COX20: variants seen among roughly 807,000 people sequenced by gnomAD.
COX20 encodes cytochrome c oxidase assembly protein COX20, mitochondrial.
In COX20, 14 loss-of-function variants were observed where a neutral mutation model predicts 14.3. That is an observed-to-expected ratio of 0.98 (90% CI 0.65 to 1.53). The LOEUF is 1.53. COX20 is among the 40% of genes most tolerant of loss of function. The probability of loss-of-function intolerance (pLI) is 0.00; values close to 1 mark genes in which losing one functional copy is unlikely to be tolerated. For missense variants in COX20, 149 were observed against 142.1 expected, an observed-to-expected ratio of 1.05 and a Z score of -0.25; for synonymous variants, 56 against 51.7, an observed-to-expected ratio of 1.08 and a Z score of -0.36.
At chr1:244,842,376 C>G (rs1680242716) in intron 3 of COX20, 118 bp downstream of exon 3, 1 of 744,146 alleles carries the variant, frequency 1.3e-6, no homozygotes, top group Non-Finnish European at 2.4e-6. Context: ...AATGAAGAAT[C>G]TTGATTTTTC....
intron 1 of COX20, chr1:244,839,781 C>G (rs1480535800): frequency 6.6e-6 from 1 of 152,146 alleles, no homozygotes; most frequent in Admixed American, 6.5e-5. Context: ...AACCCTCCAG[C>G]CTTGGTTACT....
Position 244,841,993 on chromosome 1 carries a change from G to A in COX20, c.92G>A (p.Arg31Gln), listed in dbSNP as rs764620077. The change falls in exon 2 of 4, where the codon CGG becomes CAG. Residue 31 changes from arginine (R) to glutamine (Q), a missense_variant. Physicochemically the swap from Arg to Gln is conservative, Grantham distance 43. Coordinates refer to ENST00000411948, the MANE Select transcript of COX20 (RefSeq NM_198076.6). The stretch of plus-strand genomic sequence containing the variant: ...GATGTTGAAAATACTCCCTGCGCCC[G>A]GCATTCAATATTGTATGGTTCATTA... ...FLDVENTPCA[R>Q]HSILYGSLGS... 131 of 1,611,550 alleles carry A rather than the reference G, an allele frequency of 8.1e-5. 1 individual carries two copies. In the Admixed American group the frequency reaches 1.8e-3, roughly 23 times the overall value.
At chr1:244,842,997 T>A (rs767647989) in intron 3 of COX20, 44 bp from the exon 4 acceptor site, 4 of 1,372,406 alleles carry the variant, frequency 2.9e-6, no homozygotes, top group Non-Finnish European at 3.9e-6. Context: ...TTAATTTCTG[T>A]AGGACTTTAT....
chr1:244,835,669 C>G lies in COX20; in HGVS notation c.-46C>G. On this transcript the variant is annotated 5_prime_UTR_variant, in exon 1 of 4. Coordinates refer to ENST00000411948, the MANE Select transcript of COX20 (RefSeq NM_198076.6). ...GCGCGGCCAGCCGGGCTTCTGCTTC[C>G]GCGACCCCGGCGGTGCAGGGCGGGT... 1 of 1,234,876 alleles carries G rather than the reference C, an allele frequency of 8.1e-7. No homozygotes were observed. Among genetic ancestry groups the G allele is most frequent in the Middle Eastern group, 3.1e-4 (1 of 3,216 alleles). 76.5% of individuals were successfully genotyped at this position (1,234,876 alleles called of 1,614,324 possible). A position where few individuals can be genotyped will look rare whatever the true frequency, so the allele number is the denominator to read the frequency against.
chr1:244,836,290 G>C (rs1679980364), intron 1 of COX20, among the ~76,000 whole-genome samples: 1 of 152,062 alleles, frequency 6.6e-6, no homozygotes, highest in South Asian at 2.1e-4. Context: ...TTCCACTATT[G>C]TCCGCTGGCC....
intron 3 of COX20, chr1:244,842,701 A>G (rs906612417): frequency 3.0e-5 from 7 of 237,286 alleles, no homozygotes; most frequent in African/African-American, 1.6e-4. Flanking sequence ...GGTGGTAGAA[A>G]TCATTTTATG....
At chr1:244,835,537 C>T (rs1164724828), upstream of COX20, 2 of 407,276 alleles carry the variant, frequency 4.9e-6, no homozygotes, top group Admixed American at 4.5e-5. Flanking sequence ...CATGACAGCC[C>T]GGCCCCGTGC....
intron 1 of COX20, chr1:244,840,392 T>G (rs1365769899): frequency 6.6e-6 from 1 of 152,196 alleles, no homozygotes; most frequent in African/African-American, 2.4e-5. Flanking sequence ...CTTGGGGAAA[T>G]AGTCTAGTTT....
At chr1:244,836,710 T>C (rs1679998214) in intron 1 of COX20, among the ~76,000 whole-genome samples, 1 of 152,190 alleles carries the variant, frequency 6.6e-6, no homozygotes, top group Non-Finnish European at 1.5e-5. Context: ...CACTGTGTGC[T>C]AAATGGCTCC....
At chr1:244,842,883 C>A in intron 3 of COX20, 158 bp from the exon 4 acceptor site, 1 of 534,166 alleles carries the variant, frequency 1.9e-6, no homozygotes, top group Non-Finnish European at 3.2e-6. Context: ...ATTCTGACAC[C>A]AAAACTGCCC....
chr1:244,837,313 G>C (rs1448170575), intron 1 of COX20, among the ~76,000 whole-genome samples: 1 of 152,036 alleles, frequency 6.6e-6, no homozygotes, highest in East Asian at 1.9e-4. Context: ...TAAATTAATA[G>C]AAGCTATGAT....
intron 1 of COX20, chr1:244,841,249 A>T (rs998964473): frequency 6.6e-6 from 1 of 152,272 alleles, no homozygotes; most frequent in African/African-American, 2.4e-5. Context: ...ATAGGATACA[A>T]AAGTTAGCGG....
At position 244,843,640 on chromosome 1, in the gene COX20, A is replaced by G. The variant is rs1489736928; in HGVS notation, c.*464A>G. Reference sequence around the variant, plus strand: ...TATCACTTTGCAAATTATTTTTTAAATGCATTCATCATTTGACAGTGTTCT... The same window carrying G: ...TATCACTTTGCAAATTATTTTTTAAGTGCATTCATCATTTGACAGTGTTCT... On this transcript the variant is annotated 3_prime_UTR_variant, in exon 4 of 4. Coordinates refer to ENST00000411948, the MANE Select transcript of COX20 (RefSeq NM_198076.6). 1 of 152,486 alleles carries G rather than the reference A, an allele frequency of 6.6e-6. No homozygotes were observed. Among genetic ancestry groups the G allele is most frequent in the African/African-American group, 2.4e-5 (1 of 41,464 alleles). 9.4% of individuals were successfully genotyped at this position (152,486 alleles called of 1,614,324 possible).
chr1:244,835,362 G>C (rs1394743803), upstream of COX20: 2 of 245,268 alleles, frequency 8.2e-6, no homozygotes, highest in African/African-American at 2.2e-5. Flanking sequence ...GGCGGAGCAG[G>C]GGGCTGGCGC....
In COX20 at chr1:244,838,007, G is replaced by C. The variant is rs548192459; in HGVS notation, c.42+2251G>C. ...TGATAGATGGTAATTTGATAGGACA[G>C]GTTGAGCTTCCCAATTCAAAAAAAA... On this transcript the variant is annotated intron_variant, in intron 1 of 3. Coordinates refer to ENST00000411948, the MANE Select transcript of COX20 (RefSeq NM_198076.6). 5.3e-5 allele frequency among the ~76,000 whole-genome samples: 8 copies of C among 152,302 alleles called. No individual in the cohort carries two copies. In the East Asian group the frequency reaches 1.5e-3, roughly 29 times the overall value.
chr1:244,836,590 TCAGGG>T, intron 1 of COX20: 6 of 1,340,938 alleles, frequency 4.5e-6, no homozygotes, highest in Non-Finnish European at 6.3e-6. Flanking sequence ...ATTTATATCC[TCAGGG>T]CAGAACAGGT....
At position 244,844,595 on chromosome 1, in the gene COX20, TA is replaced by T. The variant is rs1452077193; in HGVS notation, c.*1424del. The T allele has an allele frequency of 6.6e-6, 1 of 152,126 alleles. No individual in the cohort carries two copies. Among genetic ancestry groups the T allele is most frequent in the Non-Finnish European group, 1.5e-5 (1 of 68,034 alleles). 9.4% of individuals were successfully genotyped at this position (152,126 alleles called of 1,614,324 possible). ...CAACAGGGTGAAACCCTGTCTCGTC[TA>T]AAAATACAAAAATTAGCCGGGCGTG... On this transcript the variant is annotated 3_prime_UTR_variant, in exon 4 of 4. Coordinates refer to ENST00000411948, the MANE Select transcript of COX20 (RefSeq NM_198076.6).
chr1:244,842,369 GA>G, intron 3 of COX20, 111 bp downstream of exon 3: 1 of 759,076 alleles, frequency 1.3e-6, no homozygotes, highest in Non-Finnish European at 2.3e-6. Context: ...CACCCTCAAT[GA>G]AGAATCTTGA....
chr1:244,835,790 G>C, intron 1 of COX20, 34 bp downstream of exon 1: 2 of 1,245,338 alleles, frequency 1.6e-6, no homozygotes, highest in Non-Finnish European at 2.0e-6. Flanking sequence ...CGCGCCGCGG[G>C]TGGGCGGTGG....
Sources: gnomAD v4.1 joint callset for allele counts (sites outside exome capture counted in the v4.1 genomes callset) on GRCh38, gnomAD v4.1.1 for gene constraint, MANE v1.5 for transcripts, NCBI Gene and HGNC (gene_info 2026-07-23, HGNC 2026-07-21) for gene names.